The following CDH18 variants were observed in gnomAD, a reference collection of about 807,000 sequenced individuals.
CDH18 encodes cadherin-18.
In CDH18, 31 loss-of-function variants were observed where a neutral mutation model predicts 67.9. That is an observed-to-expected ratio of 0.46 (90% CI 0.34 to 0.62). The LOEUF is 0.62. Among genes scored for constraint, CDH18 ranks in the 20% least tolerant of loss-of-function variants. CDH18 has a pLI of 0.01. For missense variants in CDH18, 890 were observed against 975.5 expected (o/e 0.91, Z 1.17); for synonymous variants, 362 against 347.2 (o/e 1.04, Z -0.48).
intron 1 of CDH18, among the ~76,000 whole-genome samples, chr5:20,405,950 T>G (rs1746210833): frequency 6.6e-6 from 1 of 152,140 alleles, no homozygotes; most frequent in South Asian, 2.1e-4. Context: ...CTGGAGAGGA[T>G]GTGAAGAAAT....
chr5:20,276,529 A>G (rs995820581), intron 1 of CDH18, among the ~76,000 whole-genome samples: 18 of 152,226 alleles, frequency 1.2e-4, no homozygotes, highest in African/African-American at 3.9e-4. Flanking sequence ...CTGAATAGTC[A>G]GAATCAACAG....
intron 9 of CDH18, among the ~76,000 whole-genome samples, chr5:19,540,855 T>G (rs1015616692): frequency 2.6e-5 from 4 of 152,118 alleles, no homozygotes; most frequent in African/African-American, 9.7e-5. Context: ...GCTGTGAAGG[T>G]CTCTGACATG....
At chr5:20,360,906 G>A (rs963146219) in intron 1 of CDH18, among the ~76,000 whole-genome samples, 8 of 151,786 alleles carry the variant, frequency 5.3e-5, no homozygotes, top group East Asian at 3.9e-4. Context: ...ATTTCAAATC[G>A]AAGATATATA....
At chr5:19,875,438 AGATCGATC>A (rs1554055347) in intron 2 of CDH18, among the ~76,000 whole-genome samples, 2,734 of 116,926 alleles carry the variant, frequency 0.023, 85 homozygotes, top group African/African-American at 0.089. Flanking sequence ...ATAGATAGAT[AGATCGATC>A]GATCTATAGA....
upstream of CDH18, among the ~76,000 whole-genome samples, chr5:19,993,041 C>T (rs1362087673): frequency 6.6e-6 from 1 of 152,150 alleles, no homozygotes; most frequent in Non-Finnish European, 1.5e-5. Flanking sequence ...TGGCTTTTAT[C>T]AATACCATTA....
intron 2 of CDH18, among the ~76,000 whole-genome samples, chr5:20,086,062 G>A (rs549540118): frequency 6.6e-6 from 1 of 152,228 alleles, no homozygotes; most frequent in African/African-American, 2.4e-5. Flanking sequence ...CAAAGGAAAG[G>A]GCCTTGAAGG....
At chr5:20,342,552 A>G (rs1340284743) in intron 1 of CDH18, among the ~76,000 whole-genome samples, 1 of 152,142 alleles carries the variant, frequency 6.6e-6, no homozygotes, top group Admixed American at 6.5e-5. Context: ...AGTGTGACCC[A>G]TGAGGAGGTG....
At chr5:19,692,706 C>T (rs1192058854) in intron 5 of CDH18, among the ~76,000 whole-genome samples, 6 of 151,494 alleles carry the variant, frequency 4.0e-5, no homozygotes, top group African/African-American at 1.5e-4. Flanking sequence ...GTTAGAATGG[C>T]TATTATTAAA....
chr5:19,929,871 T>C (rs1160438928), intron 2 of CDH18, among the ~76,000 whole-genome samples: 1 of 152,130 alleles, frequency 6.6e-6, no homozygotes, highest in Non-Finnish European at 1.5e-5. Context: ...ATTGGATGAC[T>C]GTATTTCCAA....
intron 1 of CDH18, among the ~76,000 whole-genome samples, chr5:20,440,084 T>G (rs1242815774): frequency 6.6e-6 from 1 of 151,788 alleles, no homozygotes; most frequent in Admixed American, 6.6e-5. Flanking sequence ...AATGAGTAAA[T>G]CATCCATATG....
intron 2 of CDH18, among the ~76,000 whole-genome samples, chr5:20,034,677 C>T (rs1054964754): frequency 6.6e-6 from 1 of 152,024 alleles, no homozygotes; most frequent in Non-Finnish European, 1.5e-5. Context: ...AAACTATTTG[C>T]TCTTCTGGTT....
intron 11 of CDH18, among the ~76,000 whole-genome samples, chr5:19,484,964 T>C (rs1000317306): frequency 1.3e-5 from 2 of 152,124 alleles, no homozygotes; most frequent in African/African-American, 2.4e-5. Flanking sequence ...CTCTTAACAA[T>C]GTCTTTTATT....
At chr5:19,600,513 A>C (rs964273853) in intron 6 of CDH18, among the ~76,000 whole-genome samples, 1 of 150,184 alleles carries the variant, frequency 6.7e-6, no homozygotes, top group African/African-American at 2.5e-5. Context: ...CCTCTAAATT[A>C]AATTATTTTT....
chr5:19,620,291 T>G (rs1233472516), intron 5 of CDH18, among the ~76,000 whole-genome samples: 3 of 152,224 alleles, frequency 2.0e-5, no homozygotes, highest in Admixed American at 6.5e-5. Flanking sequence ...TCCTTTAGGG[T>G]ATATACGTCG....
intron 2 of CDH18, among the ~76,000 whole-genome samples, chr5:20,015,445 A>G (rs1737798019): frequency 6.6e-6 from 1 of 152,138 alleles, no homozygotes; most frequent in Non-Finnish European, 1.5e-5. Context: ...AAGAGTCAAA[A>G]TGGAAGACTG....
chr5:19,863,860 C>A (rs888351013), intron 2 of CDH18, among the ~76,000 whole-genome samples: 22 of 152,254 alleles, frequency 1.4e-4, no homozygotes, highest in Admixed American at 1.2e-3. Flanking sequence ...GGCTCCATTA[C>A]CCCATCTGAC....
chr5:19,670,257 A>G (rs1311152115), intron 5 of CDH18, among the ~76,000 whole-genome samples: 1 of 152,200 alleles, frequency 6.6e-6, no homozygotes, highest in African/African-American at 2.4e-5. Context: ...GAAACGATTC[A>G]ATGGCATAAG....
intron 2 of CDH18, among the ~76,000 whole-genome samples, chr5:19,870,746 G>A (rs1248464772): frequency 6.6e-6 from 1 of 152,174 alleles, no homozygotes; most frequent in African/African-American, 2.4e-5. Flanking sequence ...AGATGGTGGA[G>A]ATTAGATGCT....
At chr5:19,996,931 A>G (rs988763441) in intron 2 of CDH18, among the ~76,000 whole-genome samples, 28 of 152,102 alleles carry the variant, frequency 1.8e-4, no homozygotes, top group African/African-American at 6.0e-4. Flanking sequence ...TTCAGAAAAT[A>G]CAAACAGAAT....
Sources: gnomAD v4.1 joint callset for allele counts (sites outside exome capture counted in the v4.1 genomes callset) on GRCh38, gnomAD v4.1.1 for gene constraint, MANE v1.5 for transcripts, NCBI Gene and HGNC (gene_info 2026-07-23, HGNC 2026-07-21) for gene names.